The following NAP1L4 variants were observed in gnomAD, a reference collection of about 807,000 sequenced individuals.
NAP1L4 encodes nucleosome assembly protein 1-like 4.
Under a neutral mutation model 58.2 loss-of-function variants are expected in NAP1L4, and 15 were observed. That is an observed-to-expected ratio of 0.26 (90% CI 0.17 to 0.40). The LOEUF is 0.40. Among genes scored for constraint, NAP1L4 ranks in the 10% least tolerant of loss-of-function variants. The pLI is 1.00. For synonymous variants in NAP1L4, 171 were observed against 155.6 expected (o/e 1.10, Z -0.74); for missense variants, 384 against 451.1 (o/e 0.85, Z 1.35).
At chr11:2,952,950 G>C (rs1218129082) in intron 12 of NAP1L4, among the ~76,000 whole-genome samples, 3 of 100,136 alleles carry the variant, frequency 3.0e-5, no homozygotes, top group Non-Finnish European at 3.9e-5. Context: ...AGTAACATTA[G>C]TAAAACACTT....
rs1312641470 is a variant in NAP1L4 at position 2,954,074 on chromosome 11, GTTTC to G, written c.1035+449_1035+452del. ...CTTGTTGTTTTCTTCGGGAGCACGG[GTTTC>G]TTTTTTTTCCTTTTTACCTAATTAG... On this transcript the variant is annotated intron_variant, in intron 12 of 15. Transcript: ENST00000380542. The surrounding 1 kb of genome is among the most constrained non-coding windows in gnomAD (Gnocchi z 4.8). Among the ~76,000 whole-genome samples the G allele has an allele frequency of 1.3e-5, 2 of 152,138 alleles. No homozygotes were observed. The highest frequency in any genetic ancestry group is 2.9e-5 in the Non-Finnish European group (2 of 68,040).
intron 1 of NAP1L4, among the ~76,000 whole-genome samples, chr11:2,984,584 A>C (rs1458928210): frequency 6.6e-6 from 1 of 152,118 alleles, no homozygotes; most frequent in African/African-American, 2.4e-5. Context: ...AAAACAAACA[A>C]ACAAAAAACT....
chr11:2,969,977 C>T, intron 6 of NAP1L4, 43 bp from the exon 7 acceptor site: 2 of 1,584,150 alleles, frequency 1.3e-6, no homozygotes, highest in Non-Finnish European at 1.7e-6. Flanking sequence ...TAAAAGTTTA[C>T]AAACAATGCA....
At chr11:2,961,125 CG>C (rs58555747) in intron 8 of NAP1L4, among the ~76,000 whole-genome samples, 6 of 151,586 alleles carry the variant, frequency 4.0e-5, no homozygotes, top group Admixed American at 3.3e-4. Flanking sequence ...AAACCATCAA[CG>C]GGGGGGAAAT....
intron 7 of NAP1L4, among the ~76,000 whole-genome samples, chr11:2,968,264 A>T (rs1469798669): frequency 1.3e-5 from 2 of 152,242 alleles, no homozygotes; most frequent in Non-Finnish European, 2.9e-5. Flanking sequence ...TCTCAGTGCC[A>T]TGGTGACAGA....
At chr11:2,950,490 A>C (rs1846167469) in intron 14 of NAP1L4, among the ~76,000 whole-genome samples, 1 of 152,248 alleles carries the variant, frequency 6.6e-6, no homozygotes, top group African/African-American at 2.4e-5. Flanking sequence ...GAGACACATT[A>C]CAAAAACACC....
intron 4 of NAP1L4, 90 bp downstream of exon 4, chr11:2,975,934 A>G: frequency 8.8e-7 from 1 of 1,139,378 alleles, no homozygotes; most frequent in Non-Finnish European, 1.3e-6. Context: ...AAAACATTTA[A>G]TCCTGTTCTG....
Position 2,949,434 on chromosome 11 carries a change from G to A in NAP1L4, c.1123-170C>T, listed in dbSNP as rs1846109261. Among the ~76,000 whole-genome samples, 1 of 152,200 alleles carries A rather than the reference G, an allele frequency of 6.6e-6. No homozygotes were observed. Among genetic ancestry groups the A allele is most frequent in the African/African-American group, 2.4e-5 (1 of 41,448 alleles). Reference sequence around the variant, plus strand: ...GATCATACTTTCAAAATGGGCAGAAGCATGATTTTCACTTCTATCAGACTG... The same window carrying A: ...GATCATACTTTCAAAATGGGCAGAAACATGATTTTCACTTCTATCAGACTG... On this transcript the variant is annotated intron_variant, in intron 14 of 15. Coordinates refer to ENST00000380542, the MANE Select transcript of NAP1L4 (RefSeq NM_005969.4). This position sits in a 1 kb window ranked among gnomAD's most constrained non-coding sequence, Gnocchi z 4.0.
At chr11:2,964,797 A>G (rs558605587) in intron 7 of NAP1L4, 46 bp from the exon 8 acceptor site, 1 of 1,403,386 alleles carries the variant, frequency 7.1e-7, no homozygotes, top group South Asian at 1.2e-5. Flanking sequence ...TTAAAAAAAC[A>G]ACACATCTCT....
intron 4 of NAP1L4, among the ~76,000 whole-genome samples, chr11:2,973,575 G>A (rs1847771204): frequency 6.6e-6 from 1 of 152,066 alleles, no homozygotes; most frequent in Non-Finnish European, 1.5e-5. Context: ...GCATCCCAAA[G>A]GACCACTCTC....
intron 10 of NAP1L4, 167 bp downstream of exon 10, chr11:2,958,232 A>G (rs775243239): frequency 2.7e-6 from 2 of 738,566 alleles, no homozygotes; most frequent in Non-Finnish European, 4.8e-6. Flanking sequence ...CCCCGCGATA[A>G]ACTTGCCAGC....
chr11:2,967,425 A>G (rs573042453), intron 7 of NAP1L4, among the ~76,000 whole-genome samples: 1 of 152,250 alleles, frequency 6.6e-6, no homozygotes, highest in East Asian at 1.9e-4. Context: ...ATCCTGGCTA[A>G]CACAGTGAAA....
At chr11:2,958,020 ACAGCGGGGCAGAAATGC>A (rs1846645753) in intron 10 of NAP1L4, among the ~76,000 whole-genome samples, 2 of 152,316 alleles carry the variant, frequency 1.3e-5, no homozygotes, top group African/African-American at 4.8e-5. Flanking sequence ...ACCAGACACA[ACAGCGGGGCAGAAATGC>A]CAGCTGGTGG....
In NAP1L4 at chr11:2,984,256, C is replaced by T. The variant is rs577407039; in HGVS notation, c.-17-5019G>A. Among the ~76,000 whole-genome samples, 27 of 151,832 alleles carry T rather than the reference C, an allele frequency of 1.8e-4. 1 individual carries two copies. In the South Asian group the frequency reaches 5.0e-3, roughly 28 times the overall value. On this transcript the variant is annotated intron_variant, in intron 1 of 15. Coordinates refer to ENST00000380542, the MANE Select transcript of NAP1L4 (RefSeq NM_005969.4). ...ACCACAGCAGCAACCCAAACCCAGCCCTAGTCAGTGAAGATTTAAAAACCC... is the reference window on the plus strand; with the variant it reads ...ACCACAGCAGCAACCCAAACCCAGCTCTAGTCAGTGAAGATTTAAAAACCC...
chr11:2,955,879 G>A lies in NAP1L4; in HGVS notation c.893-113C>T, dbSNP rs538098651. ...GATAAAATGTAACATTTCTCACCTC[G>A]AGGTTTAACAGAAATCCCCAAAGCC... On this transcript the variant is annotated intron_variant, in intron 10 of 15. Coordinates refer to ENST00000380542, the MANE Select transcript of NAP1L4 (RefSeq NM_005969.4). This position sits in a 1 kb window ranked among gnomAD's most constrained non-coding sequence, Gnocchi z 4.2. 1.5e-5 allele frequency: 14 copies of A among 960,922 alleles called. No individual in the cohort carries two copies. Among genetic ancestry groups the A allele is most frequent in the African/African-American group, 1.0e-4 (6 of 60,124 alleles). The allele number at this position is 960,922 out of a possible 1,614,324, so 59.5% of individuals were successfully genotyped here.
chr11:2,978,246 C>A, intron 3 of NAP1L4, 38 bp downstream of exon 3: 1 of 1,595,630 alleles, frequency 6.3e-7, no homozygotes, highest in East Asian at 2.2e-5. Context: ...GAACGTTCCC[C>A]ATACTGGATG....
At chr11:2,958,127 A>C (rs535904886) in intron 10 of NAP1L4, 1 of 629,038 alleles carries the variant, frequency 1.6e-6, no homozygotes, top group Non-Finnish European at 3.0e-6. Flanking sequence ...ACAGAACTGC[A>C]AGTTTTTGCC....
chr11:2,978,286 G>T lies in NAP1L4; in HGVS notation c.71C>A (p.Thr24Lys), dbSNP rs757704505. ...CTCTCCATGTGCAGTGGACTGACCTGTGTTACTTGCATTTTTAGCAGCTTC... is the reference window on the plus strand; with the variant it reads ...CTCTCCATGTGCAGTGGACTGACCTTTGTTACTTGCATTTTTAGCAGCTTC... ...SVEAAKNASN[T>K]EKLTDQVMQN... Residue 24 changes from threonine (T) to lysine (K), a missense_variant and splice_region_variant, in exon 3 of 16, where the codon ACA becomes AAA. This residue lies in a region of NAP1L4 where 84 missense variants were observed against 73.7 expected (regional missense o/e 1.14). Transcript: ENST00000380542. 1 of 1,613,946 alleles carries T rather than the reference G, an allele frequency of 6.2e-7. No individual in the cohort carries two copies. Among genetic ancestry groups the T allele is most frequent in the East Asian group, 2.2e-5 (1 of 44,868 alleles).
chr11:2,965,895 T>C (rs1847248828), intron 7 of NAP1L4, among the ~76,000 whole-genome samples: 1 of 152,206 alleles, frequency 6.6e-6, no homozygotes, highest in Admixed American at 6.5e-5. Flanking sequence ...GCGGGCACCA[T>C]GGAAGAGTGG....
Sources: gnomAD v4.1 joint callset for allele counts (sites outside exome capture counted in the v4.1 genomes callset) on GRCh38, gnomAD v4.1.1 for gene constraint, gnomAD v4.1.1 regional missense constraint, Gnocchi (gnomAD v3.1) non-coding constraint, MANE v1.5 for transcripts, NCBI Gene and HGNC (gene_info 2026-07-23, HGNC 2026-07-21) for gene names.